Variants in WDR7 observed in about 807,000 individuals in gnomAD.
The protein encoded by WDR7 is WD repeat domain 7, also known as WD repeat-containing protein 7.
Under a neutral mutation model 169.4 loss-of-function variants are expected in WDR7, and 46 were observed. That is an observed-to-expected ratio of 0.27 (90% confidence interval 0.21 to 0.35). The LOEUF (loss-of-function observed/expected upper bound fraction) is 0.35. Ranked by LOEUF, WDR7 falls within the 10% of genes least tolerant of loss-of-function variation. The probability of loss-of-function intolerance (pLI) is 1.00; values close to 1 mark genes in which losing one functional copy is unlikely to be tolerated. For synonymous variants in WDR7, 612 were observed against 666.8 expected, an observed-to-expected ratio of 0.92 and a Z score of 1.27; for missense variants, 1,534 against 1,859.3, an observed-to-expected ratio of 0.83 and a Z score of 3.22.
At position 56,691,704 on chromosome 18, in the gene WDR7, C is replaced by T; in HGVS notation, c.864-11C>T. ...TATTTTAATTGAATATTGTATTTTT[C>T]CCATATTCAGTTGCCTTCCAGCTAG... On this transcript the variant is annotated splice_polypyrimidine_tract_variant and intron_variant, in intron 8 of 27. Transcript: ENST00000254442. 1.3e-6 allele frequency: 2 copies of T among 1,596,346 alleles called. No individual in the cohort carries two copies. Among genetic ancestry groups the T allele is most frequent in the East Asian group, 2.3e-5 (1 of 44,428 alleles).
intron 14 of WDR7, among the ~76,000 whole-genome samples, chr18:56,733,279 A>G (rs17750063): frequency 0.024 from 3,620 of 152,254 alleles, 53 homozygotes; most frequent in Middle Eastern, 0.037. Flanking sequence ...TAATCACTTT[A>G]TAAAAAATGT....
intron 1 of WDR7, among the ~76,000 whole-genome samples, chr18:56,652,322 C>T (rs1598934622): frequency 2.0e-5 from 3 of 152,152 alleles, no homozygotes; most frequent in African/African-American, 7.2e-5. Flanking sequence ...TCAGTGGCAG[C>T]TATAGCTTCC....
At chr18:56,821,768 G>T (rs1037920486) in intron 20 of WDR7, among the ~76,000 whole-genome samples, 1 of 151,736 alleles carries the variant, frequency 6.6e-6, no homozygotes, top group Non-Finnish European at 1.5e-5. Context: ...GCTAAGGCAG[G>T]AGGATTGCTT....
At chr18:56,915,320 G>C (rs1045842842) in intron 21 of WDR7, among the ~76,000 whole-genome samples, 3 of 152,160 alleles carry the variant, frequency 2.0e-5, no homozygotes, top group African/African-American at 7.2e-5. Flanking sequence ...ACATTAGCAA[G>C]TGGGAAAAGG....
Position 56,694,887 on chromosome 18 carries a change from T to G in WDR7, c.1109-63T>G, listed in dbSNP as rs549286682. ...ACTGGATCAATCAACATTATTTTAA[T>G]GTTTTAAATTTTTTTTAACATGCAC... is the stretch of plus-strand genomic sequence containing the variant. On this transcript the variant is annotated intron_variant, in intron 10 of 27. Transcript: ENST00000254442. 92 of 1,554,630 alleles carry G rather than the reference T, an allele frequency of 5.9e-5. No individual in the cohort carries two copies. In the African/African-American group the frequency reaches 1.1e-3, roughly 18 times the overall value.
chr18:56,660,979 G>A (rs570926817), intron 1 of WDR7, among the ~76,000 whole-genome samples: 1 of 152,292 alleles, frequency 6.6e-6, no homozygotes, highest in East Asian at 1.9e-4. Context: ...TGGAAATGGA[G>A]AGCTGGGTTC....
chr18:56,675,475 A>G (rs2025224371), intron 2 of WDR7, among the ~76,000 whole-genome samples: 1 of 151,908 alleles, frequency 6.6e-6, no homozygotes. Flanking sequence ...AATCTATTAG[A>G]TATAGAATTT....
chr18:56,808,058 A>G (rs780997659), intron 19 of WDR7, among the ~76,000 whole-genome samples: 1 of 152,200 alleles, frequency 6.6e-6, no homozygotes. Flanking sequence ...GTAGGCAGCC[A>G]GACAGGCAAT....
chr18:56,893,388 C>T (rs556534510), intron 21 of WDR7, among the ~76,000 whole-genome samples: 128 of 152,168 alleles, frequency 8.4e-4, no homozygotes, highest in Middle Eastern at 3.4e-3. Flanking sequence ...GGACCATGAA[C>T]ATCTAGTGTT....
At chr18:57,011,612 G>A (rs965082332) in intron 26 of WDR7, among the ~76,000 whole-genome samples, 1 of 152,122 alleles carries the variant, frequency 6.6e-6, no homozygotes, top group African/African-American at 2.4e-5. Context: ...ATAACATAAA[G>A]TTGGCATAAT....
intron 26 of WDR7, among the ~76,000 whole-genome samples, chr18:56,995,401 G>A (rs571250591): frequency 7.2e-5 from 11 of 152,244 alleles, no homozygotes; most frequent in African/African-American, 2.4e-4. Flanking sequence ...ATTAGGGTTG[G>A]GGAAGGATCT....
chr18:56,887,496 A>G (rs562637627), intron 21 of WDR7, among the ~76,000 whole-genome samples: 4 of 152,306 alleles, frequency 2.6e-5, no homozygotes, highest in African/African-American at 9.6e-5. Context: ...GCAGGCAAGG[A>G]ATAGTGTATC....
In WDR7 at chr18:56,953,212, G is replaced by A. The variant is rs1404922027; in HGVS notation, c.4065-9218G>A. On this transcript the variant is annotated intron_variant, in intron 25 of 27. Coordinates refer to ENST00000254442, the MANE Select transcript of WDR7 (RefSeq NM_015285.3). ...TTAAAACATCTCTAAAAAATAAACC[G>A]TATTTTTAAAAAAGCATATCATCCA... Among the ~76,000 whole-genome samples the A allele has an allele frequency of 3.9e-5, 6 of 151,904 alleles. No homozygotes were observed. In the South Asian group the frequency reaches 6.2e-4, roughly 16 times the overall value.
At chr18:56,747,596 A>C (rs985464178) in intron 14 of WDR7, among the ~76,000 whole-genome samples, 44 of 152,236 alleles carry the variant, frequency 2.9e-4, no homozygotes, top group African/African-American at 9.4e-4. Flanking sequence ...TTACTACCTA[A>C]GGTATGAACC....
At chr18:56,847,099 G>A (rs897573840) in intron 20 of WDR7, among the ~76,000 whole-genome samples, 3 of 152,094 alleles carry the variant, frequency 2.0e-5, no homozygotes, top group Non-Finnish European at 4.4e-5. Context: ...AAGTGGTTGT[G>A]ACCAAAATAC....
At chr18:56,752,947 A>C (rs2043819602) in intron 14 of WDR7, among the ~76,000 whole-genome samples, 1 of 152,212 alleles carries the variant, frequency 6.6e-6, no homozygotes, top group African/African-American at 2.4e-5. Flanking sequence ...TGGTTCTGAA[A>C]GTACAAGTGG....
At chr18:56,920,097 C>T (rs1211592162) in intron 21 of WDR7, among the ~76,000 whole-genome samples, 1 of 152,090 alleles carries the variant, frequency 6.6e-6, no homozygotes, top group East Asian at 1.9e-4. Context: ...CATACATACA[C>T]ACAGTTTCTA....
rs572831322 is a variant in WDR7 at position 56,792,610 on chromosome 18, T to C, written c.3190+10954T>C. On this transcript the variant is annotated intron_variant, in intron 19 of 27. Coordinates refer to ENST00000254442, the MANE Select transcript of WDR7 (RefSeq NM_015285.3). ...AGTATTTCTTTAGGCTTTTAAATCTTTGTTTTTTTTTTTTTTTTGAAAAAT... is the reference window on the plus strand; with the variant it reads ...AGTATTTCTTTAGGCTTTTAAATCTCTGTTTTTTTTTTTTTTTTGAAAAAT... Among the ~76,000 whole-genome samples the C allele has an allele frequency of 9.1e-5, 9 of 99,360 alleles. No individual in the cohort carries two copies. The East Asian group carries it at 3.2e-3, about 35-fold the overall frequency. 65.2% of individuals were successfully genotyped at this position (99,360 alleles called of 152,430 possible). A position where few individuals can be genotyped will look rare whatever the true frequency, so the allele number is the denominator to read the frequency against.
At chr18:57,023,797 C>A (rs745930394) in intron 27 of WDR7, among the ~76,000 whole-genome samples, 5 of 152,130 alleles carry the variant, frequency 3.3e-5, no homozygotes, top group Non-Finnish European at 5.9e-5. Flanking sequence ...CAAATCTTAC[C>A]ACCACTGTCC....
Sources: gnomAD v4.1 joint callset for allele counts (sites outside exome capture counted in the v4.1 genomes callset) on GRCh38, gnomAD v4.1.1 for gene constraint, MANE v1.5 for transcripts, NCBI Gene and HGNC (gene_info 2026-07-23, HGNC 2026-07-21) for gene names.